The following CAMKK2 variants were observed in gnomAD, a reference collection of about 807,000 sequenced individuals.
The protein encoded by CAMKK2 is calcium/calmodulin-dependent protein kinase kinase 2.
In CAMKK2, 30 loss-of-function variants were observed where a neutral mutation model predicts 67.2. The ratio of observed to expected loss-of-function variants is 0.45; its 90% CI spans 0.33 to 0.61. The LOEUF (loss-of-function observed/expected upper bound fraction) is 0.61. CAMKK2 is among the 20% of genes least tolerant of loss of function. The probability of loss-of-function intolerance (pLI) is 0.02; values close to 1 mark genes in which losing one functional copy is unlikely to be tolerated. For synonymous variants in CAMKK2, 322 were observed against 326.2 expected, an observed-to-expected ratio of 0.99 and a Z score of 0.14; for missense variants, 643 against 802.0, an observed-to-expected ratio of 0.80 and a Z score of 2.39.
At chr12:121,271,682 T>C (rs1292582347) in intron 2 of CAMKK2, among the ~76,000 whole-genome samples, 1 of 152,118 alleles carries the variant, frequency 6.6e-6, no homozygotes, top group Non-Finnish European at 1.5e-5. Context: ...AAATGATAAA[T>C]TGGACTTCAC....
At chr12:121,249,548 A>G (rs1890218721) in intron 13 of CAMKK2, among the ~76,000 whole-genome samples, 1 of 152,146 alleles carries the variant, frequency 6.6e-6, no homozygotes, top group Non-Finnish European at 1.5e-5. Flanking sequence ...GCCCACGCCA[A>G]TCAGAGCAAG....
rs567964739 is a variant in CAMKK2, at chr12:121,253,367, T to G, written c.1013A>C (p.Lys338Thr). ...IADFGVSNEF[K>T]GSDALLSNTV... ...GTTGGAGAGGAGCGCGTCACTGCCC[T>G]TGAATTCATTGCTCACACCAAAGTC... Residue 338 changes from lysine to threonine, a missense_variant, in exon 10 of 17, where the codon AAG (lysine) becomes ACG (threonine). By Grantham distance (78) the Lys-to-Thr change is moderately conservative. This residue lies in a region of CAMKK2 where 483 missense variants were observed against 625.8 expected (regional missense o/e 0.77). Transcript: ENST00000404169. This position sits in a 1 kb window ranked among gnomAD's most constrained non-coding sequence, Gnocchi z 5.0. 1.2e-6 allele frequency: 2 copies of G among 1,614,142 alleles called. No individual in the cohort carries two copies. Among genetic ancestry groups the G allele is most frequent in the East Asian group, 2.2e-5 (1 of 44,886 alleles).
chr12:121,296,442 G>C lies in CAMKK2; in HGVS notation c.-60+196C>G, dbSNP rs1030674301. Among the ~76,000 whole-genome samples, 10 of 152,146 alleles carry C rather than the reference G, an allele frequency of 6.6e-5. No individual in the cohort carries two copies. The highest frequency in any genetic ancestry group is 2.4e-4 in the African/African-American group (10 of 41,446). On this transcript the variant is annotated intron_variant, in intron 1 of 16. Transcript: ENST00000404169. This position sits in a 1 kb window ranked among gnomAD's most constrained non-coding sequence, Gnocchi z 7.1. Reference sequence around the variant, plus strand: ...CAGAGGACGCGGGGGAAGGGCTGTCGGGGACCGTGTCCCTCCACGTGGCGG... The same window carrying C: ...CAGAGGACGCGGGGGAAGGGCTGTCCGGGACCGTGTCCCTCCACGTGGCGG...
chr12:121,268,897 T>C (rs980001077), intron 4 of CAMKK2, among the ~76,000 whole-genome samples: 4 of 151,950 alleles, frequency 2.6e-5, no homozygotes, highest in African/African-American at 9.7e-5. Context: ...ACTCCTGGGG[T>C]GCCTCCAGCT....
At chr12:121,295,472 C>A (rs2136694370) in intron 1 of CAMKK2, among the ~76,000 whole-genome samples, 1 of 152,156 alleles carries the variant, frequency 6.6e-6, no homozygotes, top group Non-Finnish European at 1.5e-5. Context: ...AAAGCCCTCC[C>A]CTTGTTGCAG....
At chr12:121,248,307 C>T (rs1030043643) in intron 14 of CAMKK2, among the ~76,000 whole-genome samples, 4 of 152,196 alleles carry the variant, frequency 2.6e-5, no homozygotes, top group Admixed American at 6.5e-5. Context: ...TGGGCTCCGG[C>T]TCCCAACCCT....
chr12:121,289,885 C>A (rs985572639), intron 1 of CAMKK2, among the ~76,000 whole-genome samples: 1 of 146,378 alleles, frequency 6.8e-6, no homozygotes, highest in African/African-American at 2.6e-5. Flanking sequence ...AGAGCAAGAC[C>A]CTGTCTTTAA....
intron 3 of CAMKK2, 32 bp from the exon 4 acceptor site, chr12:121,269,613 T>C (rs764627082): frequency 1.6e-5 from 25 of 1,569,758 alleles, no homozygotes; most frequent in East Asian, 2.2e-5. Context: ...TGACATACTA[T>C]CCAGAAGTTA....
chr12:121,250,815 A>G (rs1420160449), intron 11 of CAMKK2, among the ~76,000 whole-genome samples: 2 of 152,242 alleles, frequency 1.3e-5, no homozygotes, highest in Non-Finnish European at 2.9e-5. Context: ...GAATTAATGG[A>G]TACTTGAATT....
intron 1 of CAMKK2, among the ~76,000 whole-genome samples, chr12:121,276,902 TGG>T (rs3078969): frequency 4.3e-5 from 2 of 46,646 alleles, no homozygotes; most frequent in Middle Eastern, 0.011. Flanking sequence ...AAGGGCGGGG[TGG>T]GGGGGGGGTC....
chr12:121,265,192 C>G (rs1476647851), intron 5 of CAMKK2, among the ~76,000 whole-genome samples: 1 of 152,120 alleles, frequency 6.6e-6, no homozygotes, highest in Non-Finnish European at 1.5e-5. Context: ...AAGTAAGGCT[C>G]TGAGTGTGAC....
chr12:121,277,769 T>C (rs2668254), intron 1 of CAMKK2, among the ~76,000 whole-genome samples: 90,789 of 152,024 alleles, frequency 0.6, 29,765 homozygotes, highest in African/African-American at 0.88. Flanking sequence ...GAGTTCCAGA[T>C]AAGCCCGGCC....
At chr12:121,288,638 C>T (rs1027981217) in intron 1 of CAMKK2, among the ~76,000 whole-genome samples, 2 of 152,132 alleles carry the variant, frequency 1.3e-5, no homozygotes, top group Non-Finnish European at 2.9e-5. Flanking sequence ...TCTCAGGCAC[C>T]ACCCACAATG....
chr12:121,282,077 T>C (rs1476713387), intron 1 of CAMKK2, among the ~76,000 whole-genome samples: 1 of 152,060 alleles, frequency 6.6e-6, no homozygotes, highest in African/African-American at 2.4e-5. Flanking sequence ...AGAAGGCCCC[T>C]CTTGGTGAAC....
chr12:121,282,086 A>T (rs1291881730), intron 1 of CAMKK2, among the ~76,000 whole-genome samples: 2 of 152,128 alleles, frequency 1.3e-5, no homozygotes, highest in African/African-American at 4.8e-5. Flanking sequence ...CTCTTGGTGA[A>T]CGTCTATTAG....
chr12:121,296,912 C>G (rs1052996183), upstream of CAMKK2, among the ~76,000 whole-genome samples: 5 of 151,008 alleles, frequency 3.3e-5, no homozygotes, highest in Non-Finnish European at 5.9e-5. The surrounding 1 kb of genome is among the most constrained non-coding windows in gnomAD (Gnocchi z 7.1). Flanking sequence ...GGCCCTGCGC[C>G]GGGGAGGGGT....
chr12:121,274,047 C>T lies in CAMKK2; in HGVS notation c.471+9G>A. The T allele has an allele frequency of 6.8e-7, 1 of 1,477,052 alleles. No individual in the cohort carries two copies. Among genetic ancestry groups the T allele is most frequent in the Non-Finnish European group, 9.0e-7 (1 of 1,112,178 alleles). The allele number at this position is 1,477,052 out of a possible 1,614,324, so 91.5% of individuals were successfully genotyped here. On this transcript the variant is annotated intron_variant, in intron 2 of 16. Transcript: ENST00000404169. ...CCCCTAGGACCTGGCTCACCACCGG[C>T]TCACGCACCTGCATACCCGTGATGG...
intron 1 of CAMKK2, among the ~76,000 whole-genome samples, chr12:121,287,279 A>G (rs1205876008): frequency 6.6e-6 from 1 of 152,150 alleles, no homozygotes; most frequent in Non-Finnish European, 1.5e-5. Context: ...CTTCCCCTCT[A>G]GCCCTTGTCC....
chr12:121,271,725 G>A (rs1895822206), intron 2 of CAMKK2, among the ~76,000 whole-genome samples: 1 of 151,706 alleles, frequency 6.6e-6, no homozygotes, highest in African/African-American at 2.4e-5. Context: ...TTTTCTTTTT[G>A]AGATGGAGTT....
Sources: gnomAD v4.1 joint callset for allele counts (sites outside exome capture counted in the v4.1 genomes callset) on GRCh38, gnomAD v4.1.1 for gene constraint, gnomAD v4.1.1 regional missense constraint, Gnocchi (gnomAD v3.1) non-coding constraint, MANE v1.5 for transcripts, NCBI Gene and HGNC (gene_info 2026-07-23, HGNC 2026-07-21) for gene names.